Variants in MDN1 observed in about 807,000 individuals in gnomAD.
The protein encoded by MDN1 is midasin.
In MDN1, 266 loss-of-function variants were observed where a neutral mutation model predicts 669.2. The observed-to-expected ratio is 0.40, with a 90% CI of 0.36 to 0.44. The LOEUF (loss-of-function observed/expected upper bound fraction) is 0.44, where lower values mean the gene tolerates loss of function less well. Among genes scored for constraint, MDN1 ranks in the 20% least tolerant of loss-of-function variants. MDN1 has a pLI of 1.00. For missense variants in MDN1, 5,940 were observed against 6,754.0 expected (o/e 0.88, Z 4.22); for synonymous variants, 2,385 against 2,457.1 (o/e 0.97, Z 0.87).
At chr6:89,718,708 TC>T in intron 42 of MDN1, 58 bp downstream of exon 42, 1 of 1,608,626 alleles carries the variant, frequency 6.2e-7, no homozygotes, top group Non-Finnish European at 8.5e-7. Context: ...CAGAAGACTC[TC>T]AGTCAGACCA....
Position 89,790,341 on chromosome 6 carries a change from C to T in MDN1, c.916G>A (p.Glu306Lys), listed in dbSNP as rs1181050264. 3.1e-6 allele frequency: 5 copies of T among 1,614,006 alleles called. No homozygotes were observed. The African/African-American group carries it at 5.3e-5, about 17-fold the overall frequency. Residue 306 changes from glutamate (E) to lysine (K), a missense_variant, in exon 6 of 102, where the codon GAG becomes AAG. Glu to Lys is a moderately conservative substitution (Grantham distance 56, BLOSUM62 1). Around this residue, in one of 5 missense-constraint regions of MDN1, gnomAD observed 1,203 missense variants for 1,268.9 expected, o/e 0.95. Coordinates refer to ENST00000369393, the MANE Select transcript of MDN1 (RefSeq NM_014611.3). ...GTCTGAAGACTTTTGCAGACAGACT[C>T]AACCAGCACATAAGACCTAAGGGCC... ...ELALRSYVLV[E>K]SVCKSLQTLA...
chr6:89,723,210 G>C, intron 39 of MDN1, 67 bp from the exon 40 acceptor site: 3 of 1,434,502 alleles, frequency 2.1e-6, no homozygotes, highest in Non-Finnish European at 2.9e-6. Context: ...TTAAGTACTA[G>C]GAATGTACTA....
At chr6:89,724,557 A>G (rs1815077518) in intron 38 of MDN1, among the ~76,000 whole-genome samples, 1 of 152,244 alleles carries the variant, frequency 6.6e-6, no homozygotes, top group Admixed American at 6.5e-5. Flanking sequence ...TGCTGGGATT[A>G]CAGGCATGAT....
At chr6:89,802,718 T>C (rs1767746575) in intron 2 of MDN1, among the ~76,000 whole-genome samples, 1 of 151,960 alleles carries the variant, frequency 6.6e-6, no homozygotes, top group Non-Finnish European at 1.5e-5. Flanking sequence ...GAAAGAAATG[T>C]CCTATTGGTA....
At chr6:89,713,969 G>A (rs1465552024) in intron 46 of MDN1, among the ~76,000 whole-genome samples, 4 of 151,626 alleles carry the variant, frequency 2.6e-5, no homozygotes, top group African/African-American at 9.7e-5. Flanking sequence ...AACCTGGGAG[G>A]CGGAGCTTGC....
chr6:89,718,800 C>T lies in MDN1; in HGVS notation c.6288G>A (p.Met2096Ile). Reference sequence around the variant, plus strand: ...ATCCACCCAGCAGCTCAGTAGTATCCATTGCACTGTTCATAGCCATGATCT... The same window carrying T: ...ATCCACCCAGCAGCTCAGTAGTATCTATTGCACTGTTCATAGCCATGATCT... ...TLKIMAMNSA[M>I]DTTELLGGFE... Residue 2096 changes from methionine to isoleucine, a missense_variant, in exon 42 of 102, where the codon ATG (methionine) becomes ATA (isoleucine). By Grantham distance (10) the Met-to-Ile change is conservative. Transcript: ENST00000369393. 6.2e-7 allele frequency: 1 copy of T among 1,614,200 alleles called. No individual in the cohort carries two copies. The highest frequency in any genetic ancestry group is 8.5e-7 in the Non-Finnish European group (1 of 1,180,044).
Position 89,756,322 on chromosome 6 carries a change from A to G in MDN1, c.2771T>C (p.Leu924Pro). 1 of 1,603,128 alleles carries G rather than the reference A, an allele frequency of 6.2e-7. No homozygotes were observed. The highest frequency in any genetic ancestry group is 8.5e-7 in the Non-Finnish European group (1 of 1,174,684). The change falls in exon 20 of 102, where the codon CTG becomes CCG. Residue 924 changes from leucine (L) to proline (P), a missense_variant. This residue lies in a region of MDN1 where 1,203 missense variants were observed against 1,268.9 expected (regional missense o/e 0.95). Transcript: ENST00000369393. ...EDLQVLIVDY[L>P]KGLSVNKNTV... ...ATTCTTGTTCACACTCAATCCTTTCAGATAATCTACAATAAGAACCTGTAA... is the reference window on the plus strand; with the variant it reads ...ATTCTTGTTCACACTCAATCCTTTCGGATAATCTACAATAAGAACCTGTAA...
intron 1 of MDN1, among the ~76,000 whole-genome samples, chr6:89,808,580 A>G (rs917058881): frequency 6.6e-6 from 1 of 152,168 alleles, no homozygotes; most frequent in South Asian, 2.1e-4. Flanking sequence ...ACATTCAGCC[A>G]GTACTCACCA....
At chr6:89,765,668 A>C (rs556520351) in intron 15 of MDN1, among the ~76,000 whole-genome samples, 2 of 152,302 alleles carry the variant, frequency 1.3e-5, no homozygotes, top group Admixed American at 1.3e-4. Context: ...TTAACTGAAG[A>C]AGCAGAGTAA....
Position 89,712,762 on chromosome 6 carries a change from G to T in MDN1, c.7243C>A (p.His2415Asn). ...RKLVQALLEK[H>N]VSSLRAHETW... ...TCATGTGCTCGCAAAGAAGAAACAT[G>T]TTTCTCCAGTAAAGCCTGTACAAGC... The change falls in exon 48 of 102, where the codon CAT becomes AAT. Residue 2415 changes from histidine to asparagine, a missense_variant. Transcript: ENST00000369393. 2 of 1,614,096 alleles carry T rather than the reference G, an allele frequency of 1.2e-6. No individual in the cohort carries two copies. The highest frequency in any genetic ancestry group is 2.2e-5 in the South Asian group (2 of 91,076).
At chr6:89,711,656 T>A (rs1032635613) in intron 49 of MDN1, among the ~76,000 whole-genome samples, 1 of 152,204 alleles carries the variant, frequency 6.6e-6, no homozygotes, top group African/African-American at 2.4e-5. Flanking sequence ...TAGAATCTTA[T>A]ATACTTTTAG....
chr6:89,720,500 C>T (rs1161534089), intron 40 of MDN1, among the ~76,000 whole-genome samples: 1 of 151,780 alleles, frequency 6.6e-6, no homozygotes, highest in African/African-American at 2.4e-5. Flanking sequence ...AGACTTTATC[C>T]TTCTATAACA....
chr6:89,661,555 C>T lies in MDN1; in HGVS notation c.14589G>A (p.Val4863=). ...IDERDYDENE[V]DPYHGNQEKV... ...TTTCCTGATTGCCATGGTAAGGGTC[C>T]ACCTCATTTTCATCATAGTCCCTCT... The change falls in exon 88 of 102, where the codon GTG becomes GTA. Residue 4863 remains valine, a synonymous_variant. Transcript: ENST00000369393. The T allele has an allele frequency of 6.2e-7, 1 of 1,614,084 alleles. No homozygotes were observed. Among genetic ancestry groups the T allele is most frequent in the Non-Finnish European group, 8.5e-7 (1 of 1,179,994 alleles).
chr6:89,663,562 T>C (rs1320537342), intron 85 of MDN1, among the ~76,000 whole-genome samples: 1 of 152,164 alleles, frequency 6.6e-6, no homozygotes, highest in Non-Finnish European at 1.5e-5. Flanking sequence ...TACAAACATA[T>C]GACAGATGAT....
At chr6:89,657,798 G>T (rs1809429197) in intron 90 of MDN1, among the ~76,000 whole-genome samples, 1 of 152,230 alleles carries the variant, frequency 6.6e-6, no homozygotes, top group Non-Finnish European at 1.5e-5. Flanking sequence ...TGGTGGTCCT[G>T]TAAGATAATA....
Position 89,701,986 on chromosome 6 carries a change from C to T in MDN1, c.8224G>A (p.Ala2742Thr). 1 of 1,613,856 alleles carries T rather than the reference C, an allele frequency of 6.2e-7. No individual in the cohort carries two copies. The highest frequency in any genetic ancestry group is 1.1e-5 in the South Asian group (1 of 91,072). ...DTVKVDAPGL[A>T]LLALHWHWVL... ...CAGTGCCAATGGAGGGCAAGAAGGG[C>T]CAGACCTGGGGCATCTACTTTTACT... is the stretch of plus-strand genomic sequence containing the variant. Residue 2742 changes from alanine (A) to threonine (T), a missense_variant, in exon 54 of 102, where the codon GCC becomes ACC. By Grantham distance (58) the Ala-to-Thr change is moderately conservative (BLOSUM62 0). Coordinates refer to ENST00000369393, the MANE Select transcript of MDN1 (RefSeq NM_014611.3).
chr6:89,787,418 G>GC (rs1819020405), intron 8 of MDN1, among the ~76,000 whole-genome samples: 1 of 152,138 alleles, frequency 6.6e-6, no homozygotes, highest in African/African-American at 2.4e-5. Flanking sequence ...ATCATGGCTA[G>GC]CCATTAACTG....
chr6:89,801,549 G>A (rs1480931623), intron 2 of MDN1, among the ~76,000 whole-genome samples: 3 of 152,132 alleles, frequency 2.0e-5, no homozygotes, highest in Admixed American at 6.6e-5. Flanking sequence ...TACTTGGGGG[G>A]CTGAGGTGGG....
At chr6:89,770,674 G>A (rs1018300690) in intron 15 of MDN1, among the ~76,000 whole-genome samples, 1 of 151,868 alleles carries the variant, frequency 6.6e-6, no homozygotes, top group Non-Finnish European at 1.5e-5. Context: ...ACTAATTTTC[G>A]TATTTATTGG....
Sources: gnomAD v4.1 joint callset for allele counts (sites outside exome capture counted in the v4.1 genomes callset) on GRCh38, gnomAD v4.1.1 for gene constraint, gnomAD v4.1.1 regional missense constraint, MANE v1.5 for transcripts, NCBI Gene and HGNC (gene_info 2026-07-23, HGNC 2026-07-21) for gene names.